Variants in AFG3L2 observed in about 807,000 individuals in gnomAD.
AFG3L2 encodes AFG3 like matrix AAA peptidase subunit 2.
A neutral mutation model predicts 94.5 loss-of-function variants in AFG3L2; 54 were observed. That is an observed-to-expected ratio of 0.57 (90% CI 0.46 to 0.72). The LOEUF (loss-of-function observed/expected upper bound fraction) is 0.72. Among genes scored for constraint, AFG3L2 ranks in the 30% least tolerant of loss-of-function variants. AFG3L2 has a pLI of 0.00. For missense variants in AFG3L2, 754 were observed against 994.9 expected, an observed-to-expected ratio of 0.76 and a Z score of 3.26; for synonymous variants, 377 against 365.5, an observed-to-expected ratio of 1.03 and a Z score of -0.36.
chr18:12,358,416 A>G (rs1908558744), intron 8 of AFG3L2, among the ~76,000 whole-genome samples: 1 of 152,228 alleles, frequency 6.6e-6, no homozygotes, highest in Admixed American at 6.5e-5. Flanking sequence ...ATTGGAGGGA[A>G]AAGGAAGACG....
At chr18:12,374,767 G>C (rs1045892967) in intron 1 of AFG3L2, among the ~76,000 whole-genome samples, 2 of 152,152 alleles carry the variant, frequency 1.3e-5, no homozygotes, top group African/African-American at 4.8e-5. Context: ...AGCAGCAAAA[G>C]AAAAGCAGTC....
In AFG3L2 at chr18:12,329,568, G is replaced by A. The variant is rs1598815705; in HGVS notation, c.2391C>T (p.Asn797=). The change falls in exon 17 of 17, where the codon AAC becomes AAT. Residue 797 remains asparagine (N), a synonymous_variant. Coordinates refer to ENST00000269143, the MANE Select transcript of AFG3L2 (RefSeq NM_006796.3). ...KEEPPGEKVA[N] is the part of the protein sequence containing the mutation. ...GAGATGGCCTCCCTCTGGGCCTCTA[G>A]TTGGCAACTTTCTCACCCGGGGGCT... 6.2e-7 allele frequency: 1 copy of A among 1,613,814 alleles called. No homozygotes were observed. The highest frequency in any genetic ancestry group is 2.2e-5 in the East Asian group (1 of 44,890).
At chr18:12,369,232 A>G (rs1176561400) in intron 3 of AFG3L2, among the ~76,000 whole-genome samples, 6 of 152,130 alleles carry the variant, frequency 3.9e-5, no homozygotes, top group African/African-American at 1.4e-4. Context: ...TGCATGGGTT[A>G]TCATTACTCG....
chr18:12,368,881 G>A (rs1468890308), intron 3 of AFG3L2, among the ~76,000 whole-genome samples: 4 of 152,088 alleles, frequency 2.6e-5, no homozygotes, highest in African/African-American at 9.7e-5. Flanking sequence ...GATTACAGGC[G>A]TTGAGCCACC....
At chr18:12,352,533 T>C (rs980401395) in intron 10 of AFG3L2, among the ~76,000 whole-genome samples, 1 of 152,180 alleles carries the variant, frequency 6.6e-6, no homozygotes, top group African/African-American at 2.4e-5. Context: ...AAATTCACAC[T>C]TGGTTAGGCT....
At chr18:12,340,483 A>C in intron 14 of AFG3L2, 82 bp from the exon 15 acceptor site, 1 of 1,142,016 alleles carries the variant, frequency 8.8e-7, no homozygotes, top group Non-Finnish European at 1.3e-6. Context: ...AGATAAACTC[A>C]TTGACTAAAA....
intron 15 of AFG3L2, among the ~76,000 whole-genome samples, chr18:12,339,777 A>G (rs1290820834): frequency 6.8e-6 from 1 of 148,068 alleles, no homozygotes; most frequent in Admixed American, 6.9e-5. Context: ...TGAACCTGGG[A>G]GGCAGAGCTT....
intron 16 of AFG3L2, among the ~76,000 whole-genome samples, chr18:12,334,413 G>T (rs1006816297): frequency 2.0e-5 from 3 of 152,134 alleles, no homozygotes; most frequent in African/African-American, 7.2e-5. Context: ...CCTCACAGAG[G>T]GCTCATCTGG....
chr18:12,371,486 A>G, intron 2 of AFG3L2, 106 bp downstream of exon 2: 3 of 859,622 alleles, frequency 3.5e-6, no homozygotes, highest in Non-Finnish European at 5.9e-6. Context: ...ACATATCTTC[A>G]TCGCTGTAAT....
intron 10 of AFG3L2, among the ~76,000 whole-genome samples, chr18:12,352,525 A>G (rs539132240): frequency 6.6e-6 from 1 of 152,228 alleles, no homozygotes; most frequent in Non-Finnish European, 1.5e-5. Flanking sequence ...AATTTGCTAA[A>G]TTCACACTTG....
At chr18:12,365,346 G>A (rs974893425) in intron 5 of AFG3L2, among the ~76,000 whole-genome samples, 10 of 152,170 alleles carry the variant, frequency 6.6e-5, no homozygotes, top group African/African-American at 2.2e-4. Flanking sequence ...CAGTCCACAC[G>A]CAATGACCAC....
chr18:12,351,155 T>G lies in AFG3L2; in HGVS notation c.1482A>C (p.Leu494=). 1 of 1,614,162 alleles carries G rather than the reference T, an allele frequency of 6.2e-7. No homozygotes were observed. Among genetic ancestry groups the G allele is most frequent in the South Asian group, 1.1e-5 (1 of 91,076 alleles). Residue 494 remains leucine (L), a synonymous_variant, in exon 12 of 17, where the codon CTA becomes CTC. Transcript: ENST00000269143. ...CCTTCTCCAGGGTACTGTCCAGTTT[T>G]AGCGGTCGGAGATGAACTTTGAAAA... ...ASIFKVHLRP[L]KLDSTLEKDK...
At chr18:12,339,848 CAAA>C (rs55881327) in intron 15 of AFG3L2, among the ~76,000 whole-genome samples, 17 of 79,218 alleles carry the variant, frequency 2.1e-4, no homozygotes, top group Non-Finnish European at 2.0e-4. Context: ...GGCTCAGTCT[CAAA>C]AAAAAAAAAA....
chr18:12,334,938 G>C (rs1463027808), intron 16 of AFG3L2, among the ~76,000 whole-genome samples: 1 of 152,100 alleles, frequency 6.6e-6, no homozygotes, highest in African/African-American at 2.4e-5. Context: ...GGAGGGCCTG[G>C]GACTTATGAA....
rs146678158 is a variant in AFG3L2, at chr18:12,331,591, C to G, written c.2176-1808G>C. Among the ~76,000 whole-genome samples, 1,196 of 152,152 alleles carry G rather than the reference C, an allele frequency of 7.9e-3. 13 individuals are homozygous for G. The highest frequency in any genetic ancestry group is 0.027 in the African/African-American group (1,133 of 41,472). On this transcript the variant is annotated intron_variant, in intron 16 of 16. Transcript: ENST00000269143. ...GGCGGATCACCTGAGGTCAGGAGTT[C>G]GAGACCAGCCTGCCCAACATGGTGA...
intron 16 of AFG3L2, among the ~76,000 whole-genome samples, chr18:12,333,443 T>C (rs1467933965): frequency 6.7e-6 from 1 of 149,272 alleles, no homozygotes. Flanking sequence ...CTGTAGCCTC[T>C]AGCCTCAACT....
At chr18:12,369,711 CAAA>C (rs1209554607) in intron 3 of AFG3L2, among the ~76,000 whole-genome samples, 8 of 89,578 alleles carry the variant, frequency 8.9e-5, no homozygotes, top group Admixed American at 2.4e-4. Context: ...GACCCCTCCT[CAAA>C]AAAAAAAAAA....
intron 14 of AFG3L2, chr18:12,340,978 A>C (rs1907935540): frequency 1.3e-5 from 2 of 154,138 alleles, no homozygotes; most frequent in South Asian, 2.0e-4. Context: ...GGATGGTCTT[A>C]AACTCCTGAC....
chr18:12,350,259 C>T (rs1908271759), intron 12 of AFG3L2, among the ~76,000 whole-genome samples: 1 of 152,092 alleles, frequency 6.6e-6, no homozygotes, highest in South Asian at 2.1e-4. Context: ...GATCCACCTG[C>T]CTCAGACTCC....
Sources: allele counts gnomAD v4.1 joint callset (sites outside exome capture counted in the v4.1 genomes callset), GRCh38; gene constraint gnomAD v4.1.1; transcripts MANE v1.5; gene names NCBI Gene and HGNC (gene_info 2026-07-23, HGNC 2026-07-21).